Variants in PTPRD observed in about 807,000 individuals in gnomAD.
PTPRD encodes the protein receptor-type tyrosine-protein phosphatase delta.
In PTPRD, 34 loss-of-function variants were observed where a neutral mutation model predicts 214.5. The ratio of observed to expected loss-of-function variants is 0.16; its 90% CI spans 0.12 to 0.21. The LOEUF is 0.21. PTPRD is among the 10% of genes least tolerant of loss of function. The pLI, the probability that PTPRD is intolerant of heterozygous loss-of-function variation, is 1.00. For synonymous variants in PTPRD, 1,128 were observed against 845.7 expected, an observed-to-expected ratio of 1.33 and a Z score of -5.79; for missense variants, 2,545 against 2,398.7, an observed-to-expected ratio of 1.06 and a Z score of -1.27.
At chr9:10,558,022 C>T (rs932517680) in intron 2 of PTPRD, among the ~76,000 whole-genome samples, 1 of 152,020 alleles carries the variant, frequency 6.6e-6, no homozygotes, top group Non-Finnish European at 1.5e-5. Flanking sequence ...ACAAATGGCC[C>T]CTGCATTTTC....
At position 8,317,808 on chromosome 9, in the gene PTPRD, G is replaced by A. The variant is rs1453203617; in HGVS notation, c.*66C>T. Reference sequence around the variant, plus strand: ...GAAGGACTTCTCAAGTGCCCTGTATGGCTCAGAAGAGACTCCATGGATATT... The same window carrying A: ...GAAGGACTTCTCAAGTGCCCTGTATAGCTCAGAAGAGACTCCATGGATATT... On this transcript the variant is annotated 3_prime_UTR_variant, in exon 46 of 46. Coordinates refer to ENST00000381196, the MANE Select transcript of PTPRD (RefSeq NM_002839.4). The A allele has an allele frequency of 5.5e-6, 8 of 1,458,158 alleles. No homozygotes were observed. The South Asian group carries it at 9.1e-5, about 17-fold the overall frequency. 90.3% of individuals were successfully genotyped at this position (1,458,158 alleles called of 1,614,324 possible).
At chr9:9,659,235 A>G (rs1280665176) in intron 7 of PTPRD, among the ~76,000 whole-genome samples, 1 of 152,074 alleles carries the variant, frequency 6.6e-6, no homozygotes, top group Admixed American at 6.6e-5. Context: ...TTCCCTAAAA[A>G]TTTTACATAT....
intron 6 of PTPRD, among the ~76,000 whole-genome samples, chr9:9,760,639 C>A (rs1565054501): frequency 7.3e-6 from 1 of 136,992 alleles, no homozygotes; most frequent in East Asian, 2.1e-4. Context: ...CACACACACA[C>A]ACACACACAC....
intron 8 of PTPRD, among the ~76,000 whole-genome samples, chr9:9,415,258 G>C (rs556144000): frequency 1.3e-4 from 20 of 152,176 alleles, no homozygotes; most frequent in Middle Eastern, 3.4e-3. Context: ...GGCAGATCTC[G>C]AGGCTAGGAG....
rs192802660 is a variant in PTPRD at position 8,536,072 on chromosome 9, G to T, written c.353-7293C>A. Among the ~76,000 whole-genome samples, 118 of 151,668 alleles carry T rather than the reference G, an allele frequency of 7.8e-4. 1 individual carries two copies. Among genetic ancestry groups the T allele is most frequent in the Admixed American group, 7.8e-3 (118 of 15,206 alleles). ...ATGGTATCATTATCATTTTTTTGTGGCTATAAAACAAAAACTCAGTAATAT... is the reference window on the plus strand; with the variant it reads ...ATGGTATCATTATCATTTTTTTGTGTCTATAAAACAAAAACTCAGTAATAT... On this transcript the variant is annotated intron_variant, in intron 14 of 45. Transcript: ENST00000381196.
chr9:8,350,042 C>G (rs1470570979), intron 39 of PTPRD, among the ~76,000 whole-genome samples: 1 of 151,252 alleles, frequency 6.6e-6, no homozygotes, highest in Non-Finnish European at 1.5e-5. Flanking sequence ...ATTGTTATTA[C>G]TTCAATATTA....
chr9:9,952,428 T>C, intron 4 of PTPRD, among the ~76,000 whole-genome samples: 1 of 152,150 alleles, frequency 6.6e-6, no homozygotes, highest in East Asian at 1.9e-4. Context: ...GGGCAAGATG[T>C]AGGTATAACA....
intron 5 of PTPRD, among the ~76,000 whole-genome samples, chr9:9,856,638 C>CA (rs35166329): frequency 1.4e-3 from 211 of 146,900 alleles, no homozygotes; most frequent in Middle Eastern, 3.6e-3. Flanking sequence ...GAAAATTTAC[C>CA]AAAAAAAAAA....
intron 9 of PTPRD, among the ~76,000 whole-genome samples, chr9:9,259,858 G>C (rs1187028241): frequency 6.6e-6 from 1 of 151,904 alleles, no homozygotes; most frequent in East Asian, 2.0e-4. Context: ...GGCAATCAGA[G>C]ATTCCTGAGC....
At chr9:8,491,303 G>A (rs1418486503) in intron 27 of PTPRD, among the ~76,000 whole-genome samples, 1 of 152,116 alleles carries the variant, frequency 6.6e-6, no homozygotes, top group Non-Finnish European at 1.5e-5. Flanking sequence ...CTACTGCATG[G>A]TAAATAAAAA....
intron 8 of PTPRD, among the ~76,000 whole-genome samples, chr9:9,420,693 T>A (rs907658318): frequency 2.6e-5 from 4 of 151,904 alleles, no homozygotes; most frequent in Admixed American, 2.6e-4. Context: ...AGTACTCACC[T>A]CTGCATGTAT....
At chr9:10,395,922 G>A (rs978487868) in intron 2 of PTPRD, among the ~76,000 whole-genome samples, 2 of 147,316 alleles carry the variant, frequency 1.4e-5, no homozygotes, top group South Asian at 4.7e-4. Flanking sequence ...GAAGAAGAAG[G>A]AAGAAGAAGC....
intron 11 of PTPRD, among the ~76,000 whole-genome samples, chr9:8,926,060 C>T (rs541969298): frequency 6.6e-5 from 10 of 151,996 alleles, no homozygotes; most frequent in African/African-American, 2.4e-4. Flanking sequence ...AAAGTACCAC[C>T]TCTTGCCATG....
intron 11 of PTPRD, among the ~76,000 whole-genome samples, chr9:8,840,411 C>T (rs2097535606): frequency 6.6e-6 from 1 of 152,202 alleles, no homozygotes; most frequent in African/African-American, 2.4e-5. Flanking sequence ...CTCCTCCTTG[C>T]CTTCTGCCAT....
At chr9:9,448,412 G>C (rs941710215) in intron 8 of PTPRD, among the ~76,000 whole-genome samples, 1 of 151,882 alleles carries the variant, frequency 6.6e-6, no homozygotes, top group Non-Finnish European at 1.5e-5. Context: ...AGATCTGATG[G>C]TTTCCTAAGT....
intron 39 of PTPRD, among the ~76,000 whole-genome samples, chr9:8,342,246 G>A (rs746428637): frequency 5.3e-5 from 8 of 151,944 alleles, no homozygotes. Context: ...CCTTGATCAT[G>A]CAATACAAAG....
intron 9 of PTPRD, among the ~76,000 whole-genome samples, chr9:9,244,606 C>A (rs865944492): frequency 6.6e-6 from 1 of 152,172 alleles, no homozygotes; most frequent in Non-Finnish European, 1.5e-5. Context: ...GAAACTGGAA[C>A]CCTTCCTTAC....
rs188780712 is a variant in PTPRD, at chr9:9,570,353, T to C, written c.-237+4379A>G. 2.3e-3 allele frequency among the ~76,000 whole-genome samples: 348 copies of C among 151,662 alleles called. 3 individuals carry two copies. Among genetic ancestry groups the C allele is most frequent in the African/African-American group, 7.8e-3 (322 of 41,492 alleles). On this transcript the variant is annotated intron_variant, in intron 8 of 45. Coordinates refer to ENST00000381196, the MANE Select transcript of PTPRD (RefSeq NM_002839.4). ...TTTCCTTCATGCAGGATGTTACTTG[T>C]ATGTCGTTTAACTTCATTTTTCCCC... is the stretch of plus-strand genomic sequence containing the variant.
At chr9:9,503,530 T>A (rs868269793) in intron 8 of PTPRD, among the ~76,000 whole-genome samples, 1 of 151,890 alleles carries the variant, frequency 6.6e-6, no homozygotes, top group Middle Eastern at 3.4e-3. Context: ...GGCCATGGAA[T>A]GTTTGCTGAG....
Sources: gnomAD v4.1 joint callset for allele counts (sites outside exome capture counted in the v4.1 genomes callset) on GRCh38, gnomAD v4.1.1 for gene constraint, MANE v1.5 for transcripts, NCBI Gene and HGNC (gene_info 2026-07-23, HGNC 2026-07-21) for gene names.